Variants in GRM7 observed in about 807,000 individuals in gnomAD.
GRM7 encodes metabotropic glutamate receptor 7.
A neutral mutation model predicts 84.5 loss-of-function variants in GRM7; 35 were observed. The ratio of observed to expected loss-of-function variants is 0.41; its 90% confidence interval spans 0.32 to 0.55. The LOEUF (loss-of-function observed/expected upper bound fraction) is 0.55, where lower values mean the gene tolerates loss of function less well. GRM7 is among the 20% of genes least tolerant of loss of function. The pLI, the probability that GRM7 is intolerant of heterozygous loss-of-function variation, is 0.19. For missense variants in GRM7, 1,003 were observed against 1,194.6 expected (o/e 0.84, Z 2.36); for synonymous variants, 487 against 455.1 (o/e 1.07, Z -0.89).
intron 1 of GRM7, among the ~76,000 whole-genome samples, chr3:7,114,060 A>G (rs1692948826): frequency 6.6e-6 from 1 of 152,186 alleles, no homozygotes; most frequent in Non-Finnish European, 1.5e-5. Context: ...CAGATAATAG[A>G]TACTGAAATT....
chr3:7,114,440 C>A (rs1341908783), intron 1 of GRM7, among the ~76,000 whole-genome samples: 6 of 152,062 alleles, frequency 3.9e-5, no homozygotes, highest in African/African-American at 9.7e-5. Context: ...ATCTGGTGAC[C>A]CCCTGATAAA....
At chr3:7,232,774 G>A (rs1296319786) in intron 2 of GRM7, among the ~76,000 whole-genome samples, 1 of 152,162 alleles carries the variant, frequency 6.6e-6, no homozygotes, top group East Asian at 1.9e-4. Context: ...AGTTTACACA[G>A]CTAGTAAGTA....
intron 1 of GRM7, among the ~76,000 whole-genome samples, chr3:6,995,012 A>G (rs1234231277): frequency 6.6e-6 from 1 of 152,212 alleles, no homozygotes; most frequent in Non-Finnish European, 1.5e-5. Flanking sequence ...GCTAATAAAA[A>G]GTAAGTAGAA....
intron 1 of GRM7, among the ~76,000 whole-genome samples, chr3:6,930,342 C>T (rs528670304): frequency 1.6e-4 from 25 of 152,090 alleles, no homozygotes; most frequent in East Asian, 1.5e-3. Flanking sequence ...AAACAATGTT[C>T]GATAAAACTT....
intron 1 of GRM7, among the ~76,000 whole-genome samples, chr3:6,945,283 A>G (rs1303979213): frequency 2.6e-5 from 4 of 151,052 alleles, no homozygotes; most frequent in African/African-American, 4.9e-5. Context: ...TCATTGTTCA[A>G]TTCCCATCTA....
intron 8 of GRM7, among the ~76,000 whole-genome samples, chr3:7,604,980 T>C (rs191520163): frequency 4.9e-4 from 74 of 152,296 alleles, no homozygotes; most frequent in African/African-American, 1.6e-3. Context: ...TCAATAAATA[T>C]TGCAAACAAA....
At chr3:7,500,136 C>A (rs1368594503) in intron 7 of GRM7, among the ~76,000 whole-genome samples, 1 of 152,088 alleles carries the variant, frequency 6.6e-6, no homozygotes, top group Non-Finnish European at 1.5e-5. Flanking sequence ...AGCTATTTTT[C>A]CAAATTTGTT....
At chr3:7,706,581 T>C (rs1345502557) in intron 9 of GRM7, among the ~76,000 whole-genome samples, 1 of 152,174 alleles carries the variant, frequency 6.6e-6, no homozygotes, top group African/African-American at 2.4e-5. Context: ...CCAAGGGAAG[T>C]GCATGGGACA....
At position 7,486,393 on chromosome 3, in the gene GRM7, G is replaced by A. The variant is rs1272134650; in HGVS notation, c.1515+24671G>A. ...AGCAAAACTGAGGACAAGTTTTGCT[G>A]TTGAGGCTTGGTCTCCAATGTGGCA... On this transcript the variant is annotated intron_variant, in intron 7 of 9. Coordinates refer to ENST00000357716, the MANE Select transcript of GRM7 (RefSeq NM_000844.4). This position sits in a 1 kb window ranked among gnomAD's most constrained non-coding sequence, Gnocchi z 5.5. 1.3e-5 allele frequency among the ~76,000 whole-genome samples: 2 copies of A among 152,114 alleles called. No individual in the cohort carries two copies. Among genetic ancestry groups the A allele is most frequent in the African/African-American group, 4.8e-5 (2 of 41,428 alleles).
In GRM7 at chr3:6,861,555, C is replaced by A; in HGVS notation, c.167C>A (p.Pro56His). 6.3e-7 allele frequency: 1 copy of A among 1,593,334 alleles called. No individual in the cohort carries two copies. The highest frequency in any genetic ancestry group is 8.6e-7 in the Non-Finnish European group (1 of 1,168,942). ...GACGTCACCCTCGGGGGGCTGTTCC[C>A]CGTGCACGCCAAGGGTCCCAGCGGA... ...EGDVTLGGLF[P>H]VHAKGPSGVP... The change falls in exon 1 of 10, where the codon CCC (proline) becomes CAC (histidine). Residue 56 changes from proline (P) to histidine (H), a missense_variant. By Grantham distance (77) the Pro-to-His change is moderately conservative. This residue lies in a region of GRM7 where 910 missense variants were observed against 1,126.0 expected (regional missense o/e 0.81). Coordinates refer to ENST00000357716, the MANE Select transcript of GRM7 (RefSeq NM_000844.4). The surrounding 1 kb of genome is among the most constrained non-coding windows in gnomAD (Gnocchi z 6.4).
chr3:7,512,586 A>AT (rs55868423), intron 7 of GRM7, among the ~76,000 whole-genome samples: 34,373 of 145,026 alleles, frequency 0.24, 4,830 homozygotes, highest in East Asian at 0.58. Context: ...TTTGTTTTAG[A>AT]TTTTTTTTTT....
chr3:7,569,184 G>C (rs182061586), intron 7 of GRM7, among the ~76,000 whole-genome samples: 1 of 149,372 alleles, frequency 6.7e-6, no homozygotes, highest in East Asian at 2.0e-4. Flanking sequence ...TCTAGCTCAG[G>C]GTTTGTGAAT....
chr3:7,390,898 T>C (rs1044799607), intron 4 of GRM7, among the ~76,000 whole-genome samples: 1 of 152,178 alleles, frequency 6.6e-6, no homozygotes, highest in Non-Finnish European at 1.5e-5. Context: ...ACTGGGATCC[T>C]TTGGAGGTGA....
At chr3:7,187,131 T>C (rs1205414955) in intron 2 of GRM7, among the ~76,000 whole-genome samples, 2 of 152,146 alleles carry the variant, frequency 1.3e-5, no homozygotes, top group Non-Finnish European at 2.9e-5. Context: ...ATTGATTTGA[T>C]CTGAGTTTTC....
In GRM7 at chr3:6,996,854, A is replaced by G. The variant is rs545350667; in HGVS notation, c.519+134947A>G. The stretch of plus-strand genomic sequence containing the variant: ...CAGAATCAAAATCCCTGACAAACCA[A>G]TCCCTGCAGCTCAACAAAAAGCTAG... On this transcript the variant is annotated intron_variant, in intron 1 of 9. Transcript: ENST00000357716. 9.2e-5 allele frequency among the ~76,000 whole-genome samples: 14 copies of G among 152,274 alleles called. No homozygotes were observed. In the East Asian group the frequency reaches 2.5e-3, roughly 27 times the overall value.
chr3:7,494,150 T>C lies in GRM7; in HGVS notation c.1515+32428T>C, dbSNP rs571325714. On this transcript the variant is annotated intron_variant, in intron 7 of 9. Coordinates refer to ENST00000357716, the MANE Select transcript of GRM7 (RefSeq NM_000844.4). ...GTTATTTCCTTTCTGTTTAAAGAGC[T>C]CTCTTTCAGAGATATACTAGCAATA... Among the ~76,000 whole-genome samples the C allele has an allele frequency of 1.1e-4, 17 of 152,300 alleles. No individual in the cohort carries two copies. In the East Asian group the frequency reaches 3.3e-3, roughly 29 times the overall value.
intron 7 of GRM7, among the ~76,000 whole-genome samples, chr3:7,470,526 A>C (rs566387808): frequency 1.1e-3 from 166 of 152,304 alleles, no homozygotes; most frequent in Middle Eastern, 3.4e-3. Flanking sequence ...AATGTCTGCA[A>C]GATTAATAAT....
intron 1 of GRM7, among the ~76,000 whole-genome samples, chr3:7,058,137 C>A (rs567716604): frequency 6.6e-6 from 1 of 151,766 alleles, no homozygotes; most frequent in Non-Finnish European, 1.5e-5. Flanking sequence ...AGACTTTCGG[C>A]CTATTTGAGA....
chr3:7,572,861 T>A (rs368531245), intron 7 of GRM7, among the ~76,000 whole-genome samples: 4,021 of 57,560 alleles, frequency 0.07, 642 homozygotes, highest in African/African-American at 0.13. Context: ...TATATATATA[T>A]ATATATATAT....
Sources: allele counts gnomAD v4.1 joint callset (sites outside exome capture counted in the v4.1 genomes callset), GRCh38; gene constraint gnomAD v4.1.1; regional missense constraint gnomAD v4.1.1; non-coding constraint Gnocchi (gnomAD v3.1); transcripts MANE v1.5; gene names NCBI Gene and HGNC (gene_info 2026-07-23, HGNC 2026-07-21).